Variants in UBE2O observed in about 807,000 individuals in gnomAD.
The protein encoded by UBE2O is (E3-independent) E2 ubiquitin-conjugating enzyme.
Under a neutral mutation model 125.8 loss-of-function variants are expected in UBE2O, and 15 were observed. The observed-to-expected ratio is 0.12, with a 90% confidence interval of 0.08 to 0.18. The LOEUF (loss-of-function observed/expected upper bound fraction) is 0.18. UBE2O is among the 10% of genes least tolerant of loss of function. The pLI, the probability that UBE2O is intolerant of heterozygous loss-of-function variation, is 1.00. For synonymous variants in UBE2O, 708 were observed against 703.2 expected (o/e 1.01, Z -0.11); for missense variants, 1,280 against 1,723.6 (o/e 0.74, Z 4.56).
At chr17:76,416,188 GTA>G (rs2072613156) in intron 1 of UBE2O, among the ~76,000 whole-genome samples, 2 of 151,724 alleles carry the variant, frequency 1.3e-5, no homozygotes, top group South Asian at 4.1e-4. Flanking sequence ...GTGTGTATAT[GTA>G]TATGTGTATA....
intron 1 of UBE2O, among the ~76,000 whole-genome samples, chr17:76,415,256 C>T (rs899591080): frequency 3.9e-5 from 6 of 152,130 alleles, no homozygotes; most frequent in East Asian, 1.9e-4. Flanking sequence ...CTGATCCTGA[C>T]GGAGCCTGCC....
intron 1 of UBE2O, among the ~76,000 whole-genome samples, chr17:76,409,714 CAT>C (rs893409681): frequency 1.3e-5 from 2 of 152,198 alleles, no homozygotes; most frequent in Admixed American, 6.5e-5. Flanking sequence ...ACTTTGCACA[CAT>C]GTGACTCAAC....
intron 13 of UBE2O, 52 bp downstream of exon 13, chr17:76,397,746 GC>G: frequency 6.3e-7 from 1 of 1,577,410 alleles, no homozygotes; most frequent in Non-Finnish European, 8.7e-7. Flanking sequence ...GTGGCCCCCG[GC>G]CCAAGTTGCC....
chr17:76,450,675 G>C (rs927041332), intron 1 of UBE2O, among the ~76,000 whole-genome samples: 2 of 151,994 alleles, frequency 1.3e-5, no homozygotes, highest in African/African-American at 4.8e-5. Context: ...AGGTTGGAGT[G>C]CAATGGTGCC....
chr17:76,399,457 T>A lies in UBE2O; in HGVS notation c.1620A>T (p.Pro540=). Residue 540 remains proline (P), a synonymous_variant, in exon 9 of 18, where the codon CCA becomes CCT. Coordinates refer to ENST00000319380, the MANE Select transcript of UBE2O (RefSeq NM_022066.4). The surrounding 1 kb of genome is among the most constrained non-coding windows in gnomAD (Gnocchi z 6.9). ...KKNKITRDFK[P]GDRVAVEVVT... ...CACAACTCTGAGTTTACCTGTCCCC[T>A]GGCTTGAAGTCTCGAGTGATTTTAT... 1 of 1,613,764 alleles carries A rather than the reference T, an allele frequency of 6.2e-7. No individual in the cohort carries two copies. Among genetic ancestry groups the A allele is most frequent in the Non-Finnish European group, 8.5e-7 (1 of 1,179,662 alleles).
chr17:76,392,941 C>T (rs1434990537), intron 15 of UBE2O, among the ~76,000 whole-genome samples: 4 of 148,558 alleles, frequency 2.7e-5, no homozygotes, highest in Non-Finnish European at 3.0e-5. Flanking sequence ...GACAGTGCGA[C>T]GCTATCTCAA....
At chr17:76,418,569 GTT>G (rs33997542) in intron 1 of UBE2O, among the ~76,000 whole-genome samples, 2 of 144,828 alleles carry the variant, frequency 1.4e-5, no homozygotes, top group Admixed American at 6.9e-5. Context: ...GGAGGAACAG[GTT>G]TTTTTTTTTT....
intron 13 of UBE2O, among the ~76,000 whole-genome samples, chr17:76,397,570 T>C (rs766291482): frequency 2.0e-5 from 3 of 152,230 alleles, no homozygotes. Context: ...TGTGAAAGTC[T>C]ACATGCACCC....
At chr17:76,420,789 A>G (rs773678422) in intron 1 of UBE2O, among the ~76,000 whole-genome samples, 1 of 152,138 alleles carries the variant, frequency 6.6e-6, no homozygotes, top group Non-Finnish European at 1.5e-5. Context: ...CCAGCATTCA[A>G]AATCGGCCTG....
Position 76,400,067 on chromosome 17 carries a change from CAG to C in UBE2O, c.1155+78_1155+79del. The C allele has an allele frequency of 6.4e-7, 1 of 1,560,522 alleles. No homozygotes were observed. Among genetic ancestry groups the C allele is most frequent in the Non-Finnish European group, 8.7e-7 (1 of 1,150,516 alleles). Reference sequence around the variant, plus strand: ...GGGCTGCCCCCCAAGGCCTAAAGCACAGACTGTCCTTCTTGGCCATGGAAATG... The same window carrying C: ...GGGCTGCCCCCCAAGGCCTAAAGCACACTGTCCTTCTTGGCCATGGAAATG... On this transcript the variant is annotated intron_variant, in intron 8 of 17. Coordinates refer to ENST00000319380, the MANE Select transcript of UBE2O (RefSeq NM_022066.4). The surrounding 1 kb of genome is among the most constrained non-coding windows in gnomAD (Gnocchi z 4.3).
chr17:76,434,650 C>G (rs531102351), intron 1 of UBE2O, among the ~76,000 whole-genome samples: 1 of 152,164 alleles, frequency 6.6e-6, no homozygotes, highest in African/African-American at 2.4e-5. Context: ...CTTGCCTTGG[C>G]TTCTGCAAGG....
At chr17:76,444,584 C>G (rs574747094) in intron 1 of UBE2O, among the ~76,000 whole-genome samples, 172 of 152,270 alleles carry the variant, frequency 1.1e-3, no homozygotes, top group African/African-American at 4.0e-3. Flanking sequence ...ATGCAGTGAT[C>G]AGAAATTCAC....
At chr17:76,393,650 G>A (rs566449805) in intron 15 of UBE2O, among the ~76,000 whole-genome samples, 21 of 152,336 alleles carry the variant, frequency 1.4e-4, no homozygotes, top group African/African-American at 5.1e-4. Flanking sequence ...CCAGGCTGGT[G>A]AGGCCTGGGG....
chr17:76,437,507 A>G (rs2073018066), intron 1 of UBE2O, among the ~76,000 whole-genome samples: 1 of 152,102 alleles, frequency 6.6e-6, no homozygotes, highest in African/African-American at 2.4e-5. Context: ...GCAATGTAGT[A>G]TCCTGGATTG....
rs114972114 is a variant in UBE2O at position 76,429,851 on chromosome 17, C to T, written c.417+22874G>A. Among the ~76,000 whole-genome samples, 1,337 of 152,256 alleles carry T rather than the reference C, an allele frequency of 8.8e-3. 23 individuals are homozygous for T. The highest frequency in any genetic ancestry group is 0.03 in the African/African-American group (1,226 of 41,536). ...TTCATGAATCCCTCTTTCAGTCCAG[C>T]GTTACCCTGCCCCTTGCTCTGCCCA... On this transcript the variant is annotated intron_variant, in intron 1 of 17. Transcript: ENST00000319380.
At chr17:76,436,260 TTTA>T (rs1456879381) in intron 1 of UBE2O, among the ~76,000 whole-genome samples, 1 of 152,022 alleles carries the variant, frequency 6.6e-6, no homozygotes, top group African/African-American at 2.4e-5. Context: ...AATTAATTAA[TTTA>T]TTAATTAATT....
chr17:76,450,921 T>C (rs1325430051), intron 1 of UBE2O, among the ~76,000 whole-genome samples: 1 of 152,116 alleles, frequency 6.6e-6, no homozygotes, highest in Admixed American at 6.6e-5. Flanking sequence ...CACCCGGCCG[T>C]TGTTTTCGAT....
intron 1 of UBE2O, among the ~76,000 whole-genome samples, chr17:76,427,650 C>T (rs1372526812): frequency 6.6e-6 from 1 of 152,240 alleles, no homozygotes; most frequent in Non-Finnish European, 1.5e-5. Flanking sequence ...TCAGGGGTAT[C>T]GCCAGTCTGC....
intron 1 of UBE2O, among the ~76,000 whole-genome samples, chr17:76,417,731 G>A (rs1452506028): frequency 1.3e-5 from 2 of 152,164 alleles, no homozygotes; most frequent in Non-Finnish European, 2.9e-5. Context: ...AGCATGTCCA[G>A]GGGCAGGAAA....
Sources: gnomAD v4.1 joint callset for allele counts (sites outside exome capture counted in the v4.1 genomes callset) on GRCh38, gnomAD v4.1.1 for gene constraint, Gnocchi (gnomAD v3.1) non-coding constraint, MANE v1.5 for transcripts, NCBI Gene and HGNC (gene_info 2026-07-23, HGNC 2026-07-21) for gene names.